Variants in CTIF observed in about 807,000 individuals in gnomAD.
CTIF encodes CBP80/20-dependent translation initiation factor.
CTIF carries 21 observed loss-of-function variants against 66.0 expected under a neutral mutation model. That is an observed-to-expected ratio of 0.32 (90% CI 0.23 to 0.46). The LOEUF (loss-of-function observed/expected upper bound fraction) is 0.46. Ranked by LOEUF, CTIF falls within the 20% of genes least tolerant of loss-of-function variation. The pLI is 1.00. For synonymous variants in CTIF, 345 were observed against 326.4 expected (o/e 1.06, Z -0.62); for missense variants, 739 against 812.7 (o/e 0.91, Z 1.10).
chr18:48,836,289 C>T (rs2068807541), intron 10 of CTIF, among the ~76,000 whole-genome samples: 1 of 152,192 alleles, frequency 6.6e-6, no homozygotes, highest in Admixed American at 6.5e-5. Context: ...GCACAGCCAG[C>T]AGCCCCCAGA....
intron 2 of CTIF, among the ~76,000 whole-genome samples, chr18:48,624,964 G>A (rs1178378820): frequency 2.6e-5 from 4 of 152,222 alleles, no homozygotes; most frequent in African/African-American, 4.8e-5. Flanking sequence ...CATCTAAAAT[G>A]CAGTGATCTT....
rs1239950154 is a variant in CTIF, at chr18:48,796,971, C to CA, written c.1372-20249dup. ...CAGCTGGAATCACAGGTGCCCACCC[C>CA]AGAGCAAAAAGGCCATGTCAGCCAT... On this transcript the variant is annotated intron_variant, in intron 9 of 11. Transcript: ENST00000256413. Among the ~76,000 whole-genome samples the CA allele has an allele frequency of 2.6e-5, 4 of 152,236 alleles. No individual in the cohort carries two copies. In the East Asian group the frequency reaches 7.7e-4, roughly 29 times the overall value.
At position 48,860,275 on chromosome 18, in the gene CTIF, CG is replaced by C. The variant is rs1224109391; in HGVS notation, c.*718del. 1.0e-5 allele frequency: 3 copies of C among 298,048 alleles called. No homozygotes were observed. Among genetic ancestry groups the C allele is most frequent in the African/African-American group, 2.2e-5 (1 of 46,110 alleles). 18.5% of individuals were successfully genotyped at this position (298,048 alleles called of 1,614,324 possible). A position where few individuals can be genotyped will look rare whatever the true frequency, so the allele number is the denominator to read the frequency against. On this transcript the variant is annotated 3_prime_UTR_variant, in exon 12 of 12. Coordinates refer to ENST00000256413, the MANE Select transcript of CTIF (RefSeq NM_014772.3). ...TTATTGTGTTTTATTTTTCAAAAGT[CG>C]GTTGCTTTGAAGTCTCTTTGGCCAA...
At chr18:48,663,378 C>T (rs1265639205) in intron 3 of CTIF, among the ~76,000 whole-genome samples, 3 of 152,090 alleles carry the variant, frequency 2.0e-5, no homozygotes, top group African/African-American at 7.2e-5. Flanking sequence ...CATGGGCTCC[C>T]CAGTGGGCCT....
Position 48,730,596 on chromosome 18 carries a change from GGGGCTTCTGCTGTGT to G in CTIF, c.584+18903_584+18917del, listed in dbSNP as rs1272171567. Among the ~76,000 whole-genome samples, 171 of 67,304 alleles carry G rather than the reference GGGGCTTCTGCTGTGT, an allele frequency of 2.5e-3. 21 individuals carry two copies. The highest frequency in any genetic ancestry group is 4.4e-3 in the Non-Finnish European group (135 of 30,502). 44.2% of individuals were successfully genotyped at this position (67,304 alleles called of 152,430 possible). On this transcript the variant is annotated intron_variant, in intron 7 of 11. Coordinates refer to ENST00000256413, the MANE Select transcript of CTIF (RefSeq NM_014772.3). ...GGTGTGAGGGGCCCCTGTGGTGTGA[GGGGCTTCTGCTGTGT>G]GAGGGGCTCCTGCGGTGTGAGGGGC...
rs543270440 is a variant in CTIF at position 48,843,908 on chromosome 18, G to C, written c.1528-13680G>C. On this transcript the variant is annotated intron_variant, in intron 10 of 11. Transcript: ENST00000256413. ...TCTTGGAGAAATCATTTCCTTCCCT[G>C]TGCCTCAGTTTCTGTAGCTGTGACA... Among the ~76,000 whole-genome samples the C allele has an allele frequency of 1.1e-4, 16 of 152,316 alleles. No homozygotes were observed. The Middle Eastern group carries it at 0.017, about 162-fold the overall frequency.
intron 3 of CTIF, among the ~76,000 whole-genome samples, chr18:48,661,104 G>A (rs1405505856): frequency 6.6e-6 from 1 of 152,220 alleles, no homozygotes; most frequent in African/African-American, 2.4e-5. Context: ...TGTGTGCCTG[G>A]CTTGGCCACT....
chr18:48,631,710 T>G (rs2090718216), intron 2 of CTIF, among the ~76,000 whole-genome samples: 1 of 152,234 alleles, frequency 6.6e-6, no homozygotes, highest in Non-Finnish European at 1.5e-5. Flanking sequence ...GGTTGAGGCC[T>G]TTAAACCACT....
intron 7 of CTIF, among the ~76,000 whole-genome samples, chr18:48,743,660 C>A (rs2092572615): frequency 6.6e-6 from 1 of 152,194 alleles, no homozygotes; most frequent in Non-Finnish European, 1.5e-5. Context: ...TGCCTGTATT[C>A]ATAAATGTTA....
chr18:48,574,310 G>A (rs1267560058), intron 1 of CTIF, among the ~76,000 whole-genome samples: 2 of 152,130 alleles, frequency 1.3e-5, no homozygotes, highest in Non-Finnish European at 2.9e-5. Context: ...GTTTAAATTT[G>A]CTCCCTCTCC....
At chr18:48,821,326 G>A (rs2146360935) in intron 10 of CTIF, among the ~76,000 whole-genome samples, 1 of 152,346 alleles carries the variant, frequency 6.6e-6, no homozygotes, top group South Asian at 2.1e-4. Flanking sequence ...AGTGCCTCGT[G>A]TGTTCTTTTC....
At chr18:48,821,129 C>T (rs751320814) in intron 10 of CTIF, among the ~76,000 whole-genome samples, 20 of 152,188 alleles carry the variant, frequency 1.3e-4, no homozygotes, top group Non-Finnish European at 2.2e-4. Flanking sequence ...TCTTCCTAGG[C>T]CCAGTTTGAA....
chr18:48,690,907 G>A (rs2091916000), intron 6 of CTIF, among the ~76,000 whole-genome samples: 1 of 152,052 alleles, frequency 6.6e-6, no homozygotes, highest in Admixed American at 6.6e-5. Flanking sequence ...AAAACAGTGA[G>A]GTGCCAGTCA....
intron 6 of CTIF, among the ~76,000 whole-genome samples, chr18:48,704,019 T>C (rs2092118764): frequency 6.6e-6 from 1 of 152,202 alleles, no homozygotes; most frequent in Non-Finnish European, 1.5e-5. Context: ...TGGGAGGGAC[T>C]GCCTGTCTCT....
intron 7 of CTIF, among the ~76,000 whole-genome samples, chr18:48,728,253 T>C (rs2092402465): frequency 6.6e-6 from 1 of 152,212 alleles, no homozygotes; most frequent in African/African-American, 2.4e-5. Flanking sequence ...GGTCTCTTCA[T>C]GGCATTTGAA....
chr18:48,794,833 G>T (rs1044097562), intron 9 of CTIF, among the ~76,000 whole-genome samples: 2 of 152,082 alleles, frequency 1.3e-5, no homozygotes, highest in Non-Finnish European at 2.9e-5. Context: ...TGTGTGTATT[G>T]CATTCGAGTC....
At chr18:48,651,659 A>G (rs1000088323) in intron 3 of CTIF, among the ~76,000 whole-genome samples, 5 of 152,244 alleles carry the variant, frequency 3.3e-5, no homozygotes, top group African/African-American at 1.2e-4. Context: ...TCAACAGAAT[A>G]TACATTCTTC....
intron 3 of CTIF, among the ~76,000 whole-genome samples, chr18:48,644,179 T>A (rs1358953290): frequency 6.6e-6 from 1 of 152,126 alleles, no homozygotes; most frequent in Non-Finnish European, 1.5e-5. Flanking sequence ...TGTGGTTGGG[T>A]CATTCCTTTG....
intron 3 of CTIF, among the ~76,000 whole-genome samples, chr18:48,651,801 G>A (rs1459616470): frequency 6.6e-6 from 1 of 152,200 alleles, no homozygotes; most frequent in African/African-American, 2.4e-5. Context: ...TAGCACTCAG[G>A]ATTAAGAAAC....
Sources: gnomAD v4.1 joint callset for allele counts (sites outside exome capture counted in the v4.1 genomes callset) on GRCh38, gnomAD v4.1.1 for gene constraint, MANE v1.5 for transcripts, NCBI Gene and HGNC (gene_info 2026-07-23, HGNC 2026-07-21) for gene names.